Variants in AR observed in about 807,000 individuals in gnomAD.
The protein encoded by AR is dihydrotestosterone receptor.
A neutral mutation model predicts 53.9 loss-of-function variants in AR; 8 were observed. That is an observed-to-expected ratio of 0.15 (90% CI 0.09 to 0.27). The LOEUF (loss-of-function observed/expected upper bound fraction) is 0.27, where lower values mean the gene tolerates loss of function less well. AR is among the 10% of genes least tolerant of loss of function. The probability of loss-of-function intolerance (pLI) is 1.00; values close to 1 mark genes in which losing one functional copy is unlikely to be tolerated. For missense variants in AR, 639 were observed against 742.5 expected, an observed-to-expected ratio of 0.86 and a Z score of 1.62; for synonymous variants, 359 against 316.4, an observed-to-expected ratio of 1.13 and a Z score of -1.43.
chrX:67,651,708 A>G (rs1034554867), intron 2 of AR, among the ~76,000 whole-genome samples: 2 of 112,131 alleles, frequency 1.8e-5, no homozygotes, highest in African/African-American at 6.5e-5. Context: ...ACCACCAAGT[A>G]TCGCTAACAT....
chrX:67,658,795 A>G (rs952342512), intron 2 of AR, among the ~76,000 whole-genome samples: 1 of 112,132 alleles, frequency 8.9e-6, no homozygotes, highest in Non-Finnish European at 1.9e-5. Context: ...GAGGCAGGAA[A>G]ACTCAGGGCA....
At position 67,600,674 on chromosome X, in the gene AR, G is replaced by T. The variant is rs780318475; in HGVS notation, c.1617-42582G>T. 3.6e-5 allele frequency among the ~76,000 whole-genome samples: 4 copies of T among 111,018 alleles called. No individual in the cohort carries two copies. The East Asian group carries it at 1.1e-3, about 31-fold the overall frequency. On this transcript the variant is annotated intron_variant, in intron 1 of 7. Coordinates refer to ENST00000374690, the MANE Select transcript of AR (RefSeq NM_000044.6). ...GACTATAGTTAATAATAATTTAATTGTACATTTTAAAATAACTAAAGAGGT... is the reference window on the plus strand; with the variant it reads ...GACTATAGTTAATAATAATTTAATTTTACATTTTAAAATAACTAAAGAGGT...
At chrX:67,688,280 G>T (rs2075977754) in intron 3 of AR, among the ~76,000 whole-genome samples, 1 of 111,566 alleles carries the variant, frequency 9.0e-6, no homozygotes, top group Admixed American at 9.5e-5. Context: ...TTAGAGTCAG[G>T]CAGATCTAGT....
At chrX:67,694,422 A>G (rs1157076593) in intron 3 of AR, among the ~76,000 whole-genome samples, 4 of 109,719 alleles carry the variant, frequency 3.6e-5, no homozygotes, top group African/African-American at 1.0e-4. Flanking sequence ...TATATAGTAT[A>G]TTTGTCAATA....
intron 1 of AR, among the ~76,000 whole-genome samples, chrX:67,579,720 T>A (rs1335928896): frequency 8.9e-6 from 1 of 111,985 alleles, no homozygotes; most frequent in Non-Finnish European, 1.9e-5. Flanking sequence ...TATTAAAGCA[T>A]ATTTAATCTG....
Position 67,672,942 on chromosome X carries a change from G to A in AR, c.1769-13068G>A, listed in dbSNP as rs183596711. Reference sequence around the variant, plus strand: ...TAGCATTTCTTGTAGGAAAAGTCTGGTGTTAATGAATTCCTTCAGCTCTTG... The same window carrying A: ...TAGCATTTCTTGTAGGAAAAGTCTGATGTTAATGAATTCCTTCAGCTCTTG... On this transcript the variant is annotated intron_variant, in intron 2 of 7. Transcript: ENST00000374690. 5.9e-4 allele frequency among the ~76,000 whole-genome samples: 66 copies of A among 111,312 alleles called. 3 individuals carry two copies. In the East Asian group the frequency reaches 0.015, roughly 25 times the overall value.
At chrX:67,579,356 G>A (rs1277638180) in intron 1 of AR, among the ~76,000 whole-genome samples, 3 of 111,493 alleles carry the variant, frequency 2.7e-5, no homozygotes, top group African/African-American at 9.8e-5. Context: ...GACTGCAGAA[G>A]ATTGGGTGGG....
At chrX:67,674,034 G>C (rs1462864621) in intron 2 of AR, among the ~76,000 whole-genome samples, 1 of 110,814 alleles carries the variant, frequency 9.0e-6, no homozygotes, top group East Asian at 2.9e-4. Context: ...GCTCAGTAAT[G>C]CTGTGGCTCT....
chrX:67,630,457 T>C (rs1273207711), intron 1 of AR, among the ~76,000 whole-genome samples: 1 of 111,258 alleles, frequency 9.0e-6, no homozygotes, highest in East Asian at 2.8e-4. Context: ...ACTAGAATTG[T>C]AACCCCTGCC....
At chrX:67,719,872 A>T (rs1174160435) in intron 5 of AR, among the ~76,000 whole-genome samples, 1 of 111,687 alleles carries the variant, frequency 9.0e-6, no homozygotes, top group Non-Finnish European at 1.9e-5. Flanking sequence ...AGAGAGAGAG[A>T]AGAACTTGTC....
rs755686403 is a variant in AR at position 67,545,313 on chromosome X, T to TGCAGCA, written c.169_170insAGCAGC (p.Leu56_Leu57insGlnGln). The stretch of plus-strand genomic sequence containing the variant: ...GCACCTCCCGGCGCCAGTTTGCTGC[T>TGCAGCA]GCTGCAGCAGCAGCAGCAGCAGCAG... On this transcript the variant is annotated inframe_insertion, in exon 1 of 8. Coordinates refer to ENST00000374690, the MANE Select transcript of AR (RefSeq NM_000044.6). 5.0e-5 allele frequency: 55 copies of TGCAGCA among 1,099,038 alleles called. No individual in the cohort carries two copies. The highest frequency in any genetic ancestry group is 2.9e-4 in the East Asian group (8 of 27,902). The allele number at this position is 1,099,038 out of a possible 1,213,427, so 90.6% of individuals were successfully genotyped here.
chrX:67,651,937 C>G (rs1245759959), intron 2 of AR, among the ~76,000 whole-genome samples: 2 of 111,501 alleles, frequency 1.8e-5, no homozygotes, highest in East Asian at 5.7e-4. Context: ...CAACTTAACA[C>G]CTGTGCTCAT....
At chrX:67,669,651 C>T (rs924286707) in intron 2 of AR, among the ~76,000 whole-genome samples, 3 of 111,206 alleles carry the variant, frequency 2.7e-5, no homozygotes, top group African/African-American at 3.3e-5. Flanking sequence ...GTTAAAATCT[C>T]TAAATATTAT....
intron 2 of AR, among the ~76,000 whole-genome samples, chrX:67,683,667 C>T (rs1328125330): frequency 8.9e-6 from 1 of 112,441 alleles, no homozygotes; most frequent in Non-Finnish European, 1.9e-5. Context: ...CCTCTGTAAC[C>T]TCAATATCCA....
intron 2 of AR, among the ~76,000 whole-genome samples, chrX:67,663,053 A>C (rs1337584873): frequency 9.0e-6 from 1 of 111,679 alleles, no homozygotes; most frequent in East Asian, 2.8e-4. Context: ...AATACAGCAC[A>C]CTGATGGGTC....
intron 1 of AR, among the ~76,000 whole-genome samples, chrX:67,636,024 A>G (rs748120402): frequency 1.8e-5 from 2 of 111,701 alleles, no homozygotes; most frequent in South Asian, 3.8e-4. Flanking sequence ...CATGTAATAT[A>G]TAATTTATAT....
intron 1 of AR, among the ~76,000 whole-genome samples, chrX:67,597,933 C>A (rs1923157591): frequency 8.9e-6 from 1 of 111,734 alleles, no homozygotes; most frequent in African/African-American, 3.3e-5. Flanking sequence ...TGAAAGGCAG[C>A]CTGTTGCAAA....
In AR at chrX:67,546,545, G is replaced by GGCA. The variant is rs1929765287; in HGVS notation, c.1401_1402insAGC (p.Gly467_Gly468insSer). The GGCA allele has an allele frequency of 1.1e-6, 1 of 936,081 alleles. No individual in the cohort carries two copies. Among genetic ancestry groups the GGCA allele is most frequent in the Non-Finnish European group, 1.3e-6 (1 of 743,936 alleles). 77.1% of individuals were successfully genotyped at this position (936,081 alleles called of 1,213,427 possible). A position where few individuals can be genotyped will look rare whatever the true frequency, so the allele number is the denominator to read the frequency against. On this transcript the variant is annotated inframe_insertion, in exon 1 of 8. Transcript: ENST00000374690. Reference sequence around the variant, plus strand: ...CGGCGGCGGCGGCGGCGGCGGCGGCGGCGGCGGCGGCGGCGGCGGCGAGGC... The same window carrying GGCA: ...CGGCGGCGGCGGCGGCGGCGGCGGCGGCAGCGGCGGCGGCGGCGGCGGCGAGGC...
chrX:67,716,477 A>G (rs2076113897), intron 4 of AR, among the ~76,000 whole-genome samples: 3 of 112,007 alleles, frequency 2.7e-5, no homozygotes. Flanking sequence ...TGCAGAGATA[A>G]CAGAGATATA....
Sources: allele counts gnomAD v4.1 joint callset (sites outside exome capture counted in the v4.1 genomes callset), GRCh38; gene constraint gnomAD v4.1.1; transcripts MANE v1.5; gene names NCBI Gene and HGNC (gene_info 2026-07-23, HGNC 2026-07-21).